Variants in HACD3 observed in about 807,000 individuals in gnomAD.
HACD3 encodes very-long-chain (3R)-3-hydroxyacyl-CoA dehydratase 3.
A neutral mutation model predicts 55.2 loss-of-function variants in HACD3; 30 were observed. The observed-to-expected ratio is 0.54, with a 90% CI of 0.41 to 0.74. HACD3 has a LOEUF of 0.74. HACD3 is among the 30% of genes least tolerant of loss of function. The pLI, the probability that HACD3 is intolerant of heterozygous loss-of-function variation, is 0.00. For synonymous variants in HACD3, 141 were observed against 151.7 expected (o/e 0.93, Z 0.52); for missense variants, 363 against 440.1 (o/e 0.82, Z 1.57).
intron 9 of HACD3, 79 bp downstream of exon 9, chr15:65,571,733 C>A: frequency 1.9e-6 from 2 of 1,080,132 alleles, no homozygotes; most frequent in Non-Finnish European, 2.7e-6. Context: ...CTTTCTTCCC[C>A]GGCCTTAGTC....
intron 4 of HACD3, among the ~76,000 whole-genome samples, chr15:65,557,794 C>CT (rs1180628808): frequency 2.6e-5 from 4 of 152,246 alleles, no homozygotes; most frequent in African/African-American, 9.6e-5. Context: ...TTATTTTATA[C>CT]TTTGAGTTAT....
intron 1 of HACD3, among the ~76,000 whole-genome samples, chr15:65,536,447 T>C (rs1024193356): frequency 6.6e-6 from 1 of 152,106 alleles, no homozygotes; most frequent in African/African-American, 2.4e-5. Context: ...ACAACAATAT[T>C]GAAATTAAGC....
intron 1 of HACD3, among the ~76,000 whole-genome samples, chr15:65,547,174 T>C (rs1186078935): frequency 6.6e-6 from 1 of 152,050 alleles, no homozygotes; most frequent in Non-Finnish European, 1.5e-5. Flanking sequence ...TGGAGTGCAG[T>C]GGCCTGATCT....
At chr15:65,544,153 G>T (rs1049381744) in intron 1 of HACD3, among the ~76,000 whole-genome samples, 2 of 152,064 alleles carry the variant, frequency 1.3e-5, no homozygotes, top group Non-Finnish European at 2.9e-5. Context: ...CTCCAGCCTG[G>T]GTGACAGAGC....
At chr15:65,552,677 CT>C (rs1255765471) in intron 2 of HACD3, among the ~76,000 whole-genome samples, 1,922 of 148,514 alleles carry the variant, frequency 0.013, 41 homozygotes, top group African/African-American at 0.045. Context: ...AAATATTTTT[CT>C]TTTTTTTTTA....
intron 3 of HACD3, among the ~76,000 whole-genome samples, chr15:65,556,375 A>G (rs1029476249): frequency 5.9e-5 from 9 of 152,208 alleles, no homozygotes; most frequent in African/African-American, 1.7e-4. Context: ...TGCATGCACA[A>G]TTCACAATAG....
intron 5 of HACD3, among the ~76,000 whole-genome samples, chr15:65,560,342 C>A (rs1357485125): frequency 6.6e-6 from 1 of 152,174 alleles, no homozygotes; most frequent in Non-Finnish European, 1.5e-5. Context: ...TCCTTTGACT[C>A]AACAATGACT....
chr15:65,547,120 ATT>A (rs1038425824), intron 1 of HACD3, among the ~76,000 whole-genome samples: 1 of 144,720 alleles, frequency 6.9e-6, no homozygotes. Context: ...AGTTCCCAGG[ATT>A]TTTTTTTTTT....
intron 7 of HACD3, among the ~76,000 whole-genome samples, chr15:65,569,450 C>T (rs1251619147): frequency 6.6e-6 from 1 of 152,042 alleles, no homozygotes; most frequent in African/African-American, 2.4e-5. Context: ...TGGCTCATGC[C>T]TATAATCCCA....
At chr15:65,537,826 A>G (rs2141203964) in intron 1 of HACD3, among the ~76,000 whole-genome samples, 1 of 138,448 alleles carries the variant, frequency 7.2e-6, no homozygotes, top group African/African-American at 2.7e-5. Flanking sequence ...TGCTAAATCT[A>G]CTCTGCCTAT....
chr15:65,562,743 T>C (rs1369147174), intron 5 of HACD3, 31 bp from the exon 6 acceptor site: 1 of 1,608,136 alleles, frequency 6.2e-7, no homozygotes, highest in Admixed American at 1.7e-5. Flanking sequence ...CTATTGCTTT[T>C]AATAGCTTAC....
chr15:65,560,960 G>T (rs1422794698), intron 5 of HACD3, among the ~76,000 whole-genome samples: 2 of 152,160 alleles, frequency 1.3e-5, no homozygotes, highest in African/African-American at 2.4e-5. Context: ...TAGATTGTAA[G>T]CTCTGAGGGC....
chr15:65,557,083 G>T (rs1482159276), intron 4 of HACD3, among the ~76,000 whole-genome samples, 180 bp downstream of exon 4: 2 of 152,222 alleles, frequency 1.3e-5, no homozygotes, highest in African/African-American at 4.8e-5. Flanking sequence ...CTTTCCTTCG[G>T]TTGAAATCTG....
At chr15:65,566,703 G>A (rs142481681) in intron 7 of HACD3, 2 of 152,164 alleles carry the variant, frequency 1.3e-5, no homozygotes, top group Admixed American at 1.3e-4. Flanking sequence ...GTTACATTTT[G>A]CTAAGAAGTC....
At chr15:65,537,649 T>C (rs1317244463) in intron 1 of HACD3, among the ~76,000 whole-genome samples, 2 of 150,818 alleles carry the variant, frequency 1.3e-5, no homozygotes, top group Non-Finnish European at 3.0e-5. Context: ...AAAAATTAGC[T>C]GGGCATGGTG....
At chr15:65,541,734 T>A (rs1555483003) in intron 1 of HACD3, among the ~76,000 whole-genome samples, 1 of 152,206 alleles carries the variant, frequency 6.6e-6, no homozygotes, top group Non-Finnish European at 1.5e-5. Flanking sequence ...TTGGTATTCT[T>A]TGAAATTGTC....
intron 8 of HACD3, among the ~76,000 whole-genome samples, chr15:65,570,774 G>C (rs1424988733): frequency 6.6e-6 from 1 of 152,146 alleles, no homozygotes; most frequent in East Asian, 1.9e-4. Context: ...CTTTCAGTCA[G>C]CTGGAGCAAG....
intron 1 of HACD3, among the ~76,000 whole-genome samples, chr15:65,545,019 A>G (rs894550083): frequency 7.3e-6 from 1 of 137,368 alleles, no homozygotes; most frequent in South Asian, 2.2e-4. Context: ...AATTCTGTCT[A>G]AAAAAAAAAA....
chr15:65,567,406 G>A (rs2072302635), intron 7 of HACD3, among the ~76,000 whole-genome samples: 1 of 152,144 alleles, frequency 6.6e-6, no homozygotes, highest in South Asian at 2.1e-4. Context: ...ACTGTTTTGA[G>A]ATACAGGAAG....
Sources: allele counts gnomAD v4.1 joint callset (sites outside exome capture counted in the v4.1 genomes callset), GRCh38; gene constraint gnomAD v4.1.1; transcripts MANE v1.5; gene names NCBI Gene and HGNC (gene_info 2026-07-23, HGNC 2026-07-21).